Variants in ASB5 observed in about 807,000 individuals in gnomAD.
The protein encoded by ASB5 is ankyrin repeat and SOCS box protein 5.
A neutral mutation model predicts 42.1 loss-of-function variants in ASB5; 45 were observed. The observed-to-expected ratio is 1.07, with a 90% CI of 0.84 to 1.37. The LOEUF (loss-of-function observed/expected upper bound fraction) is 1.37, where lower values mean the gene tolerates loss of function less well. Among genes scored for constraint, ASB5 ranks in the 40% most tolerant of loss-of-function variants. The pLI, the probability that ASB5 is intolerant of heterozygous loss-of-function variation, is 0.00. For synonymous variants in ASB5, 147 were observed against 150.6 expected, an observed-to-expected ratio of 0.98 and a Z score of 0.18; for missense variants, 402 against 399.8, an observed-to-expected ratio of 1.01 and a Z score of -0.05.
chr4:176,221,114 G>T, intron 5 of ASB5, 41 bp downstream of exon 5: 1 of 1,540,388 alleles, frequency 6.5e-7, no homozygotes, highest in Non-Finnish European at 8.7e-7. Flanking sequence ...ATAACTGCTT[G>T]TGTGTATGGA....
intron 3 of ASB5, 39 bp downstream of exon 3, chr4:176,222,274 A>C: frequency 6.6e-7 from 1 of 1,522,104 alleles, no homozygotes; most frequent in Non-Finnish European, 9.1e-7. Flanking sequence ...TCCCTCCGTC[A>C]GTAGATGTTA....
In ASB5 at chr4:176,221,445, G is replaced by A. The variant is rs1344437539; in HGVS notation, c.535+5C>T. ...CCTTGTCACTTAATCCCAGAACTAA[G>A]TTACCTTTACTGGCGGCCTCATGCG... On this transcript the variant is annotated splice_donor_5th_base_variant and intron_variant, in intron 4 of 6. Transcript: ENST00000296525. 1 of 1,612,476 alleles carries A rather than the reference G, an allele frequency of 6.2e-7. No homozygotes were observed. The highest frequency in any genetic ancestry group is 8.5e-7 in the Non-Finnish European group (1 of 1,179,476).
intron 5 of ASB5, among the ~76,000 whole-genome samples, chr4:176,218,092 A>ACAAT (rs1392734122): frequency 6.8e-6 from 1 of 148,122 alleles, no homozygotes; most frequent in Non-Finnish European, 1.5e-5. Context: ...TCTGAAAATA[A>ACAAT]CAATCAATCA....
rs772475742 is a variant in ASB5 at position 176,221,183 on chromosome 4, G to T, written c.642C>A (p.Phe214Leu). ...CATAAAGAAGCTTCCAGATGCAATGGAATTGCTGTGACATACAAGCTACAT... is the reference window on the plus strand; with the variant it reads ...CATAAAGAAGCTTCCAGATGCAATGTAATTGCTGTGACATACAAGCTACAT... ...PLYVACMSQQ[F>L]HCIWKLLYAG... Residue 214 changes from phenylalanine (F) to leucine (L), a missense_variant, in exon 5 of 7, where the codon TTC (phenylalanine) becomes TTA (leucine). Coordinates refer to ENST00000296525, the MANE Select transcript of ASB5 (RefSeq NM_080874.4). 4.3e-6 allele frequency: 7 copies of T among 1,613,862 alleles called. No individual in the cohort carries two copies. In the South Asian group the frequency reaches 7.7e-5, roughly 18 times the overall value.
At chr4:176,244,819 G>A (rs1459186387) in intron 1 of ASB5, among the ~76,000 whole-genome samples, 4 of 152,096 alleles carry the variant, frequency 2.6e-5, no homozygotes, top group East Asian at 3.9e-4. Flanking sequence ...TCAGGATGTC[G>A]GGGCTTATCC....
intron 5 of ASB5, among the ~76,000 whole-genome samples, chr4:176,219,273 G>C (rs1257795363): frequency 2.0e-5 from 2 of 101,250 alleles, no homozygotes; most frequent in South Asian, 6.2e-4. Context: ...ATATATATTT[G>C]TATGATATAT....
rs1752895795 is a variant in ASB5 at position 176,213,744 on chromosome 4, A to C, written c.*1856T>G. On this transcript the variant is annotated 3_prime_UTR_variant, in exon 7 of 7. Transcript: ENST00000296525. Reference sequence around the variant, plus strand: ...TACAATACATTAAAGTTAGAACACTACTTTGATAAGACAATCATACTCAAG... The same window carrying C: ...TACAATACATTAAAGTTAGAACACTCCTTTGATAAGACAATCATACTCAAG... 6.6e-6 allele frequency: 1 copy of C among 152,122 alleles called. No homozygotes were observed. The highest frequency in any genetic ancestry group is 2.1e-4 in the South Asian group (1 of 4,838). 9.4% of individuals were successfully genotyped at this position (152,122 alleles called of 1,614,324 possible).
At chr4:176,225,365 G>T (rs1462384961) in intron 1 of ASB5, 24 bp from the exon 2 acceptor site, 1 of 1,601,510 alleles carries the variant, frequency 6.2e-7, no homozygotes, top group African/African-American at 1.3e-5. Context: ...AAAAAAGAAA[G>T]AAAAGAAAAC....
At chr4:176,222,054 G>A (rs541983244) in intron 3 of ASB5, among the ~76,000 whole-genome samples, 1 of 152,204 alleles carries the variant, frequency 6.6e-6, no homozygotes, top group Non-Finnish European at 1.5e-5. Context: ...GATGTTCATC[G>A]ATTGCTATTT....
intron 1 of ASB5, among the ~76,000 whole-genome samples, chr4:176,260,592 C>T (rs925845142): frequency 1.3e-5 from 2 of 152,188 alleles, no homozygotes; most frequent in African/African-American, 4.8e-5. Flanking sequence ...TGTAGCATTG[C>T]TGAGGGAAGG....
At chr4:176,254,585 A>G (rs1754111273) in intron 1 of ASB5, among the ~76,000 whole-genome samples, 1 of 152,078 alleles carries the variant, frequency 6.6e-6, no homozygotes, top group Non-Finnish European at 1.5e-5. Flanking sequence ...TTTGCACAGC[A>G]GAAGAAACTA....
intron 1 of ASB5, among the ~76,000 whole-genome samples, chr4:176,256,004 A>G (rs1390067535): frequency 6.6e-6 from 1 of 152,232 alleles, no homozygotes; most frequent in Non-Finnish European, 1.5e-5. Context: ...TTAAAAGTCT[A>G]TTAGAGACTA....
intron 1 of ASB5, among the ~76,000 whole-genome samples, chr4:176,226,570 GTATC>G (rs1476057315): frequency 3.9e-5 from 6 of 151,984 alleles, no homozygotes; most frequent in African/African-American, 9.7e-5. Context: ...ATGTATCTAG[GTATC>G]TATCTATTTA....
chr4:176,234,623 G>T (rs1753637967), intron 1 of ASB5, among the ~76,000 whole-genome samples: 1 of 152,116 alleles, frequency 6.6e-6, no homozygotes, highest in African/African-American at 2.4e-5. Flanking sequence ...TAGCACATCA[G>T]TGAATGTTTG....
In ASB5 at chr4:176,221,277, C is replaced by T. The variant is rs1378587563; in HGVS notation, c.548G>A (p.Cys183Tyr). 5.0e-6 allele frequency: 8 copies of T among 1,613,924 alleles called. No individual in the cohort carries two copies. Among genetic ancestry groups the T allele is most frequent in the Admixed American group, 1.7e-5 (1 of 59,986 alleles). Residue 183 changes from cysteine to tyrosine, a missense_variant, in exon 5 of 7, where the codon TGT becomes TAT. Coordinates refer to ENST00000296525, the MANE Select transcript of ASB5 (RefSeq NM_080874.4). ...HEAASKGHHE[C>Y]LDILISWGID... ...GCCCCAGGATATCAGGATGTCAAGA[C>T]ATTCATGGTGACCTGCCAACACAAA...
At position 176,217,065 on chromosome 4, in the gene ASB5, C is replaced by T. The variant is rs1418009134; in HGVS notation, c.671-56G>A. 9 of 1,423,968 alleles carry T rather than the reference C, an allele frequency of 6.3e-6. No individual in the cohort carries two copies. The Admixed American group carries it at 6.6e-5, about 10-fold the overall frequency. The allele number at this position is 1,423,968 out of a possible 1,614,324, so 88.2% of individuals were successfully genotyped here. A position where few individuals can be genotyped will look rare whatever the true frequency, so the allele number is the denominator to read the frequency against. On this transcript the variant is annotated intron_variant, in intron 5 of 6. Transcript: ENST00000296525. ...AAATAAAAGTTGTTAAATAAGCCAG[C>T]TGCCTCAGTGGGGATAGAAAAGGAA...
chr4:176,222,228 G>T, intron 3 of ASB5, 85 bp downstream of exon 3: 2 of 1,243,936 alleles, frequency 1.6e-6, no homozygotes, highest in Non-Finnish European at 2.3e-6. Flanking sequence ...TACCGAGAAT[G>T]AAGGAAAGAA....
intron 1 of ASB5, among the ~76,000 whole-genome samples, chr4:176,253,048 C>T (rs2200121): frequency 0.38 from 57,667 of 152,016 alleles, 11,380 homozygotes; most frequent in Admixed American, 0.45. Context: ...GAAAAGAAAA[C>T]ATCAAAAGAG....
intron 5 of ASB5, among the ~76,000 whole-genome samples, chr4:176,219,916 G>T (rs972147051): frequency 2.0e-5 from 3 of 151,932 alleles, no homozygotes; most frequent in African/African-American, 7.3e-5. Context: ...GGAATGAAAG[G>T]CTCTAAAGCA....
Sources: gnomAD v4.1 joint callset for allele counts (sites outside exome capture counted in the v4.1 genomes callset) on GRCh38, gnomAD v4.1.1 for gene constraint, MANE v1.5 for transcripts, NCBI Gene and HGNC (gene_info 2026-07-23, HGNC 2026-07-21) for gene names.